Variants in POLN observed in about 807,000 individuals in gnomAD.
The protein encoded by POLN is DNA polymerase N.
A neutral mutation model predicts 113.5 loss-of-function variants in POLN; 108 were observed. The observed-to-expected ratio is 0.95, with a 90% CI of 0.81 to 1.12. The LOEUF (loss-of-function observed/expected upper bound fraction) is 1.12. POLN is among the 50% of genes most tolerant of loss of function. The pLI is 0.00. For synonymous variants in POLN, 386 were observed against 391.5 expected, an observed-to-expected ratio of 0.99 and a Z score of 0.17; for missense variants, 1,097 against 1,077.1, an observed-to-expected ratio of 1.02 and a Z score of -0.26.
chr4:2,206,196 A>G (rs2108763087), intron 5 of POLN, among the ~76,000 whole-genome samples: 1 of 152,340 alleles, frequency 6.6e-6, no homozygotes, highest in East Asian at 1.9e-4. Context: ...TTGGCAAGCC[A>G]CATGTAAAAT....
At chr4:2,148,364 G>A (rs548762711) in intron 16 of POLN, among the ~76,000 whole-genome samples, 10 of 152,122 alleles carry the variant, frequency 6.6e-5, no homozygotes, top group Admixed American at 5.9e-4. Flanking sequence ...GAGAAAAGGA[G>A]GCCCATAAAA....
chr4:2,204,949 T>C (rs563458463), intron 5 of POLN, among the ~76,000 whole-genome samples: 30 of 152,264 alleles, frequency 2.0e-4, no homozygotes, highest in Non-Finnish European at 3.7e-4. Flanking sequence ...CTTAATGTAA[T>C]AAAGCCATCT....
At chr4:2,234,052 CA>C (rs1734672346) in intron 2 of POLN, among the ~76,000 whole-genome samples, 1 of 150,850 alleles carries the variant, frequency 6.6e-6, no homozygotes. Flanking sequence ...CAAGAGCAAA[CA>C]AAAGAAAAAA....
At chr4:2,231,039 A>G (rs1045964300) in intron 2 of POLN, 1 of 152,224 alleles carries the variant, frequency 6.6e-6, no homozygotes, top group Non-Finnish European at 1.5e-5. Flanking sequence ...ATTAAAGTCA[A>G]AGCACTGCTC....
At chr4:2,207,047 AT>A (rs1426346206) in intron 5 of POLN, among the ~76,000 whole-genome samples, 2 of 152,248 alleles carry the variant, frequency 1.3e-5, no homozygotes, top group African/African-American at 4.8e-5. Context: ...GTATATACAT[AT>A]GATGGAATAC....
At chr4:2,157,036 G>C (rs1160356189) in intron 15 of POLN, among the ~76,000 whole-genome samples, 183 bp from the exon 16 acceptor site, 1 of 152,190 alleles carries the variant, frequency 6.6e-6, no homozygotes, top group Non-Finnish European at 1.5e-5. Context: ...ACGTGATCAG[G>C]GAAGGCTGAA....
chr4:2,120,699 T>C (rs1019902109), intron 19 of POLN, among the ~76,000 whole-genome samples: 6 of 152,192 alleles, frequency 3.9e-5, no homozygotes, highest in African/African-American at 1.4e-4. Context: ...TTCATCATGT[T>C]GGCCATGCTG....
intron 16 of POLN, among the ~76,000 whole-genome samples, chr4:2,148,764 C>T (rs1321400576): frequency 6.6e-6 from 1 of 151,870 alleles, no homozygotes; most frequent in African/African-American, 2.4e-5. Flanking sequence ...TCAATGAATC[C>T]TAAATACAAG....
rs375375554 is a variant in POLN, at chr4:2,173,971, G to A, written c.1358C>T (p.Thr453Met). ...IQVNKEEMEK[T>M]SALLGARLKE... ...ATAACTTACCCCAAGAAGTGCTGAC[G>A]TCTTCTCCATCTCCTCTTTGTTCAC... The change falls in exon 11 of 26, where the codon ACG becomes ATG. Residue 453 changes from threonine (T) to methionine (M), a missense_variant. Thr to Met is a moderately conservative substitution (Grantham distance 81). Transcript: ENST00000511885. The A allele has an allele frequency of 4.3e-5, 69 of 1,614,038 alleles. No homozygotes were observed. Among genetic ancestry groups the A allele is most frequent in the South Asian group, 1.4e-4 (13 of 91,088 alleles).
chr4:2,210,294 G>A (rs1733958300), intron 4 of POLN, among the ~76,000 whole-genome samples: 1 of 151,706 alleles, frequency 6.6e-6, no homozygotes, highest in Admixed American at 6.6e-5. Context: ...GGGGATGATT[G>A]TGGGCTGGGC....
chr4:2,161,020 A>G (rs1732573101), intron 13 of POLN, among the ~76,000 whole-genome samples: 1 of 152,166 alleles, frequency 6.6e-6, no homozygotes, highest in African/African-American at 2.4e-5. Flanking sequence ...CCTGTGAGAC[A>G]CACTCTCTCT....
Position 2,159,156 on chromosome 4 carries a change from T to C in POLN, c.1610A>G (p.Gln537Arg). 1 of 1,604,128 alleles carries C rather than the reference T, an allele frequency of 6.2e-7. No homozygotes were observed. The highest frequency in any genetic ancestry group is 8.5e-7 in the Non-Finnish European group (1 of 1,171,360). The change falls in exon 14 of 26, where the codon CAG becomes CGG. Residue 537 changes from glutamine (Q) to arginine (R), a missense_variant and splice_region_variant. Physicochemically the swap from Gln to Arg is conservative, Grantham distance 43. Transcript: ENST00000511885. ...PLPKIILEYR[Q>R]VHKIKSTFVD... The stretch of plus-strand genomic sequence containing the variant: ...TTACGTACAAAAAAATTAACTTACC[T>C]GCCTGTATTCCAAAATTATCTTGGG...
intron 16 of POLN, among the ~76,000 whole-genome samples, chr4:2,134,943 A>T (rs1461539251): frequency 3.9e-5 from 6 of 152,224 alleles, no homozygotes; most frequent in Admixed American, 3.9e-4. Context: ...ACCTTCGACT[A>T]AACTCCTTCC....
intron 19 of POLN, among the ~76,000 whole-genome samples, chr4:2,102,040 G>C (rs2108705107): frequency 6.6e-6 from 1 of 152,286 alleles, no homozygotes; most frequent in South Asian, 2.1e-4. Flanking sequence ...CTCCAGCCAA[G>C]GCTGTGATCA....
At chr4:2,094,372 A>AAAAAAG (rs1553893365) in intron 20 of POLN, among the ~76,000 whole-genome samples, 1 of 149,660 alleles carries the variant, frequency 6.7e-6, no homozygotes, top group African/African-American at 2.5e-5. Context: ...CCAAAAAAAA[A>AAAAAAG]AAAGAAAGAA....
At chr4:2,094,767 C>T (rs1020924825) in intron 20 of POLN, among the ~76,000 whole-genome samples, 9 of 152,036 alleles carry the variant, frequency 5.9e-5, no homozygotes, top group Non-Finnish European at 1.2e-4. Flanking sequence ...AGTTTTGGGG[C>T]GGGGCACTCT....
chr4:2,184,671 A>G (rs1733227739), intron 7 of POLN, among the ~76,000 whole-genome samples: 1 of 152,226 alleles, frequency 6.6e-6, no homozygotes, highest in African/African-American at 2.4e-5. Context: ...CATTTTCACT[A>G]ATGTAACAGG....
At chr4:2,081,291 G>A (rs1577679602) in intron 22 of POLN, 1 of 1,124,260 alleles carries the variant, frequency 8.9e-7, no homozygotes, top group Non-Finnish European at 1.3e-6. Flanking sequence ...GCATGCATGG[G>A]GAGGATGGAA....
Position 2,129,261 on chromosome 4 carries a change from ATTG to A in POLN, c.1790-8_1790-6del, listed in dbSNP as rs1330827228. On this transcript the variant is annotated splice_polypyrimidine_tract_variant and splice_region_variant and intron_variant, in intron 17 of 25. Transcript: ENST00000511885. ...TGAGAATCTTGTCTTCTTTACCTGAATTGTTATTTCAAGAGCATTTAGTGAATT... is the reference window on the plus strand; with the variant it reads ...TGAGAATCTTGTCTTCTTTACCTGAATTATTTCAAGAGCATTTAGTGAATT... 2.0e-5 allele frequency: 31 copies of A among 1,571,634 alleles called. No homozygotes were observed. Among genetic ancestry groups the A allele is most frequent in the Non-Finnish European group, 2.7e-5 (31 of 1,141,962 alleles).
Sources: gnomAD v4.1 joint callset for allele counts (sites outside exome capture counted in the v4.1 genomes callset) on GRCh38, gnomAD v4.1.1 for gene constraint, MANE v1.5 for transcripts, NCBI Gene and HGNC (gene_info 2026-07-23, HGNC 2026-07-21) for gene names.